Variants in MTA3 observed in about 807,000 individuals in gnomAD.
MTA3 encodes metastasis-associated protein MTA3.
Under a neutral mutation model 83.5 loss-of-function variants are expected in MTA3, and 34 were observed. That is an observed-to-expected ratio of 0.41 (90% CI 0.31 to 0.54). The LOEUF is 0.54. Among genes scored for constraint, MTA3 ranks in the 20% least tolerant of loss-of-function variants. The probability of loss-of-function intolerance (pLI) is 0.33; values close to 1 mark genes in which losing one functional copy is unlikely to be tolerated. For synonymous variants in MTA3, 303 were observed against 252.7 expected, an observed-to-expected ratio of 1.20 and a Z score of -1.89; for missense variants, 761 against 726.4, an observed-to-expected ratio of 1.05 and a Z score of -0.55.
At chr2:42,561,572 C>T (rs1208030136) in intron 2 of MTA3, among the ~76,000 whole-genome samples, 1 of 152,170 alleles carries the variant, frequency 6.6e-6, no homozygotes, top group South Asian at 2.1e-4. Context: ...ATCTACCCAC[C>T]TCTGCCTCCC....
intron 16 of MTA3, among the ~76,000 whole-genome samples, chr2:42,742,928 A>G (rs1277730413): frequency 1.3e-5 from 2 of 152,218 alleles, no homozygotes; most frequent in African/African-American, 4.8e-5. Flanking sequence ...TGTACATTAC[A>G]GGGCCCCTGT....
Position 42,525,992 on chromosome 2 carries a change from A to C in MTA3, c.-141+30738A>C, listed in dbSNP as rs185383813. 8.2e-3 allele frequency among the ~76,000 whole-genome samples: 1,241 copies of C among 152,118 alleles called. 13 individuals carry two copies. The highest frequency in any genetic ancestry group is 0.011 in the Non-Finnish European group (762 of 67,984). ...TCAGTTTCAACCTATCCTTTGCCAG[A>C]GAGAAAGAACCCCCTCGTTAATGCC... On this transcript the variant is annotated intron_variant, in intron 2 of 17. Coordinates refer to the MTA3 transcript ENST00000405592.
At chr2:42,710,807 G>A (rs1666541137) in intron 14 of MTA3, among the ~76,000 whole-genome samples, 4 of 152,064 alleles carry the variant, frequency 2.6e-5, no homozygotes, top group African/African-American at 7.2e-5. Context: ...GACCAGTCAC[G>A]GTGGCTTACG....
chr2:42,716,083 A>G (rs531984989), intron 14 of MTA3, among the ~76,000 whole-genome samples: 14 of 152,306 alleles, frequency 9.2e-5, no homozygotes, highest in African/African-American at 2.6e-4. Context: ...CTCTTCCACA[A>G]GATGTTTATT....
intron 6 of MTA3, among the ~76,000 whole-genome samples, 166 bp from the exon 7 acceptor site, chr2:42,656,034 C>G (rs1289686383): frequency 2.0e-5 from 3 of 152,220 alleles, no homozygotes; most frequent in Admixed American, 6.5e-5. Flanking sequence ...CATCAGTGTT[C>G]ACTTTAACGA....
chr2:42,549,150 G>C (rs1211150789), intron 2 of MTA3, among the ~76,000 whole-genome samples: 1 of 137,716 alleles, frequency 7.3e-6, no homozygotes, highest in Non-Finnish European at 1.5e-5. Flanking sequence ...TCCAGCCTGG[G>C]CAACAAGAGC....
At chr2:42,621,444 G>A (rs938801608) in intron 4 of MTA3, among the ~76,000 whole-genome samples, 1 of 152,202 alleles carries the variant, frequency 6.6e-6, no homozygotes, top group Non-Finnish European at 1.5e-5. Flanking sequence ...GCACCGGGTT[G>A]GGAGTAAGGT....
In MTA3 at chr2:42,498,483, C is replaced by T. The variant is rs181970851; in HGVS notation, c.-141+3229C>T. 7.9e-5 allele frequency among the ~76,000 whole-genome samples: 12 copies of T among 152,284 alleles called. No individual in the cohort carries two copies. In the East Asian group the frequency reaches 2.3e-3, roughly 29 times the overall value. On this transcript the variant is annotated intron_variant, in intron 2 of 17. Transcript: ENST00000405592. ...GGAAATAACAGGTTGGGTTTTAGGCCTCACAGGGCCTGTATCATACATAGT... is the reference window on the plus strand; with the variant it reads ...GGAAATAACAGGTTGGGTTTTAGGCTTCACAGGGCCTGTATCATACATAGT...
chr2:42,551,514 G>A (rs1425023448), intron 2 of MTA3, among the ~76,000 whole-genome samples: 1 of 151,874 alleles, frequency 6.6e-6, no homozygotes, highest in Non-Finnish European at 1.5e-5. Flanking sequence ...TCTTCTATCT[G>A]CCAGGTGTGC....
chr2:42,635,557 G>A (rs1687102100), intron 4 of MTA3, among the ~76,000 whole-genome samples: 1 of 152,026 alleles, frequency 6.6e-6, no homozygotes, highest in African/African-American at 2.4e-5. Flanking sequence ...GAACCCAGGA[G>A]ATGGAGGCTG....
intron 4 of MTA3, among the ~76,000 whole-genome samples, chr2:42,618,693 C>T (rs189629160): frequency 6.6e-6 from 1 of 152,158 alleles, no homozygotes; most frequent in East Asian, 1.9e-4. Flanking sequence ...CTGTGGCCTC[C>T]ACCTCATGGG....
chr2:42,644,366 A>G, intron 6 of MTA3, 122 bp downstream of exon 6: 1 of 575,594 alleles, frequency 1.7e-6, no homozygotes, highest in Non-Finnish European at 3.0e-6. Context: ...AGCACTTGCC[A>G]TTTTACTGTT....
chr2:42,666,229 A>G (rs1004230580), intron 8 of MTA3, among the ~76,000 whole-genome samples: 1 of 152,242 alleles, frequency 6.6e-6, no homozygotes, highest in Non-Finnish European at 1.5e-5. Context: ...GTGAGCCGAG[A>G]TCGTGCCACT....
chr2:42,672,317 T>G (rs182559172), intron 8 of MTA3, among the ~76,000 whole-genome samples: 8 of 148,480 alleles, frequency 5.4e-5, no homozygotes, highest in East Asian at 2.0e-4. Flanking sequence ...CCAGCCTGAG[T>G]CAACATAGTA....
rs1446525263 is a variant in MTA3 at position 42,607,088 on chromosome 2, GGGTAGGGGTAGA to G, written c.191-2364_191-2353del. On this transcript the variant is annotated intron_variant, in intron 3 of 16. Transcript: ENST00000405094. ...GAGGTAGGGGTAGGGGTAGGGGTAGGGGTAGGGGTAGAGGTAGAGGTAGAGGTAGGTAGAGGT... is the reference window on the plus strand; with the variant it reads ...GAGGTAGGGGTAGGGGTAGGGGTAGGGGTAGAGGTAGAGGTAGGTAGAGGT... Among the ~76,000 whole-genome samples, 145 of 132,830 alleles carry G rather than the reference GGGTAGGGGTAGA, an allele frequency of 1.1e-3. 1 individual carries two copies. The highest frequency in any genetic ancestry group is 5.4e-3 in the South Asian group (21 of 3,874). 87.1% of individuals were successfully genotyped at this position (132,830 alleles called of 152,430 possible). A position where few individuals can be genotyped will look rare whatever the true frequency, so the allele number is the denominator to read the frequency against.
intron 4 of MTA3, among the ~76,000 whole-genome samples, chr2:42,633,821 G>A (rs1415530278): frequency 6.6e-6 from 1 of 151,152 alleles, no homozygotes; most frequent in Non-Finnish European, 1.5e-5. Context: ...CCCGGGAGGC[G>A]GAGCTTGCAG....
At chr2:42,687,496 T>G (rs1692492083) in intron 9 of MTA3, among the ~76,000 whole-genome samples, 1 of 152,226 alleles carries the variant, frequency 6.6e-6, no homozygotes, top group Non-Finnish European at 1.5e-5. Context: ...TTTTGATGAT[T>G]ATGGATAAAG....
At chr2:42,746,045 A>C (rs575683655) in intron 16 of MTA3, among the ~76,000 whole-genome samples, 1 of 151,118 alleles carries the variant, frequency 6.6e-6, no homozygotes, top group East Asian at 2.0e-4. Context: ...ATCTCCTGAC[A>C]TTGTGATCCA....
chr2:42,513,182 A>G (rs1306156336), intron 2 of MTA3, among the ~76,000 whole-genome samples: 1 of 152,182 alleles, frequency 6.6e-6, no homozygotes, highest in Non-Finnish European at 1.5e-5. Flanking sequence ...TGTGTTGGCA[A>G]GCCCTTTGTT....
Sources: allele counts gnomAD v4.1 joint callset (sites outside exome capture counted in the v4.1 genomes callset), GRCh38; gene constraint gnomAD v4.1.1; transcripts MANE v1.5; gene names NCBI Gene and HGNC (gene_info 2026-07-23, HGNC 2026-07-21).